SMIM8: variants seen among roughly 807,000 people sequenced by gnomAD.
SMIM8 encodes the protein small integral membrane protein 8, also known as UPF0708 protein C6orf162.
SMIM8 carries 8 observed loss-of-function variants against 8.1 expected under a neutral mutation model. That is an observed-to-expected ratio of 0.99 (90% CI 0.58 to 1.78). The LOEUF is 1.78. SMIM8 is among the 40% of genes most tolerant of loss of function. The probability of loss-of-function intolerance (pLI) is 0.00; values close to 1 mark genes in which losing one functional copy is unlikely to be tolerated. For synonymous variants in SMIM8, 45 were observed against 39.7 expected, an observed-to-expected ratio of 1.13 and a Z score of -0.50; for missense variants, 126 against 119.8, an observed-to-expected ratio of 1.05 and a Z score of -0.24.
chr6:87,330,588 A>G (rs974799774), intron 1 of SMIM8, 104 bp from the exon 2 acceptor site: 1 of 152,176 alleles, frequency 6.6e-6, no homozygotes, highest in Non-Finnish European at 1.5e-5. Context: ...TCAGGGGCTT[A>G]CTATTCTTAC....
chr6:87,323,250 A>G (rs1170279595), intron 1 of SMIM8, among the ~76,000 whole-genome samples: 1 of 146,062 alleles, frequency 6.8e-6, no homozygotes, highest in African/African-American at 2.5e-5. Context: ...AGAGGTGGAA[A>G]GATACTTTTG....
intron 2 of SMIM8, among the ~76,000 whole-genome samples, chr6:87,334,573 G>A (rs904721960): frequency 6.6e-6 from 1 of 152,020 alleles, no homozygotes; most frequent in Non-Finnish European, 1.5e-5. Context: ...CAAAATAGTG[G>A]GATTACAGGT....
intron 2 of SMIM8, among the ~76,000 whole-genome samples, chr6:87,336,458 C>G (rs1287173830): frequency 6.6e-6 from 1 of 152,138 alleles, no homozygotes; most frequent in Non-Finnish European, 1.5e-5. Context: ...AGAGTAAGTA[C>G]AAACAGCTCC....
At position 87,341,030 on chromosome 6, in the gene SMIM8, T is replaced by C; in HGVS notation, c.*756T>C. 2.8e-6 allele frequency: 1 copy of C among 352,966 alleles called. No individual in the cohort carries two copies. Among genetic ancestry groups the C allele is most frequent in the South Asian group, 1.5e-4 (1 of 6,630 alleles). The allele number at this position is 352,966 out of a possible 1,614,324, so 21.9% of individuals were successfully genotyped here. ...TTTTAGTGTTTATGTTAATTAATGT[T>C]AATTAATTTTGTTTATGTTAATTTG... On this transcript the variant is annotated 3_prime_UTR_variant, in exon 4 of 4. Transcript: ENST00000392863.
chr6:87,325,525 A>G (rs1776796708), intron 1 of SMIM8, among the ~76,000 whole-genome samples: 2 of 149,282 alleles, frequency 1.3e-5, no homozygotes, highest in Admixed American at 6.7e-5. Context: ...TGAGATAATC[A>G]TGTGGTTTTT....
rs1362559744 is a variant in SMIM8 at position 87,325,503 on chromosome 6, G to A, written c.-45+2871G>A. Among the ~76,000 whole-genome samples, 56 of 146,124 alleles carry A rather than the reference G, an allele frequency of 3.8e-4. 1 individual carries two copies. The highest frequency in any genetic ancestry group is 2.1e-4 in the Non-Finnish European group (14 of 66,782). Reference sequence around the variant, plus strand: ...GGTTATTGAATTTTGTCAAAGGCCTGTCTGCATCTATTGAGATAATCATGT... The same window carrying A: ...GGTTATTGAATTTTGTCAAAGGCCTATCTGCATCTATTGAGATAATCATGT... On this transcript the variant is annotated intron_variant, in intron 1 of 3. Coordinates refer to ENST00000392863, the MANE Select transcript of SMIM8 (RefSeq NM_001042493.3).
chr6:87,334,403 G>C (rs917497055), intron 2 of SMIM8, among the ~76,000 whole-genome samples: 4 of 152,238 alleles, frequency 2.6e-5, no homozygotes, highest in Non-Finnish European at 5.9e-5. Flanking sequence ...TTAAAAACAA[G>C]AACAAAAATT....
At chr6:87,339,665 A>G (rs1777180357) in intron 3 of SMIM8, among the ~76,000 whole-genome samples, 1 of 152,174 alleles carries the variant, frequency 6.6e-6, no homozygotes, top group Non-Finnish European at 1.5e-5. Flanking sequence ...CTTGGGCAAG[A>G]AGAATAGCAT....
chr6:87,335,601 A>G (rs957661843), intron 2 of SMIM8, among the ~76,000 whole-genome samples: 2 of 152,182 alleles, frequency 1.3e-5, no homozygotes, highest in African/African-American at 4.8e-5. Context: ...CTACTGCAAC[A>G]CAAAGTATTT....
intron 1 of SMIM8, among the ~76,000 whole-genome samples, chr6:87,328,534 G>GC: frequency 3.3e-5 from 5 of 151,862 alleles, no homozygotes; most frequent in African/African-American, 1.2e-4. Context: ...GTCTGCCCCT[G>GC]CTGGAGGCTG....
chr6:87,338,906 C>CTTTTTTTTT (rs58307492), intron 3 of SMIM8, among the ~76,000 whole-genome samples: 3 of 116,120 alleles, frequency 2.6e-5, no homozygotes, highest in Non-Finnish European at 3.5e-5. Context: ...TATTTAAAAG[C>CTTTTTTTTT]TTTTTTTTTT....
Position 87,330,722 on chromosome 6 carries a change from A to G in SMIM8, c.-24+10A>G, listed in dbSNP as rs1313916954. 2 of 152,188 alleles carry G rather than the reference A, an allele frequency of 1.3e-5. No individual in the cohort carries two copies. 9.4% of individuals were successfully genotyped at this position (152,188 alleles called of 1,614,324 possible). ...TGGACAGAAGAAAAAGGTAAAGAAC[A>G]TTTTACCAGAGAGAAACAAATGAAG... On this transcript the variant is annotated intron_variant, in intron 2 of 3. Transcript: ENST00000392863.
At chr6:87,332,194 A>T (rs1369672412) in intron 2 of SMIM8, among the ~76,000 whole-genome samples, 1 of 151,958 alleles carries the variant, frequency 6.6e-6, no homozygotes, top group Non-Finnish European at 1.5e-5. Flanking sequence ...TTTTACAGAC[A>T]TATTTCATAT....
intron 1 of SMIM8, among the ~76,000 whole-genome samples, chr6:87,324,203 A>AT (rs1776758160): frequency 6.6e-6 from 1 of 151,608 alleles, no homozygotes; most frequent in South Asian, 2.1e-4. Flanking sequence ...GGTTGTGAAA[A>AT]TTTTCTCCCA....
chr6:87,328,606 T>C (rs527819876), intron 1 of SMIM8, among the ~76,000 whole-genome samples: 24 of 152,288 alleles, frequency 1.6e-4, no homozygotes, highest in East Asian at 1.5e-3. Flanking sequence ...GCAGTCTGCC[T>C]GTTCTCAGAT....
At chr6:87,327,799 C>G (rs1283587141) in intron 1 of SMIM8, among the ~76,000 whole-genome samples, 1 of 148,120 alleles carries the variant, frequency 6.8e-6, no homozygotes, top group Non-Finnish European at 1.5e-5. Flanking sequence ...TGAATGTTGG[C>G]CTGCCTTGCT....
At chr6:87,331,659 A>G (rs1776997791) in intron 2 of SMIM8, among the ~76,000 whole-genome samples, 1 of 152,176 alleles carries the variant, frequency 6.6e-6, no homozygotes, top group African/African-American at 2.4e-5. Flanking sequence ...CTTGGCTGCT[A>G]AGACCCTTTC....
chr6:87,332,511 T>G (rs1334536172), intron 2 of SMIM8, among the ~76,000 whole-genome samples: 1 of 148,778 alleles, frequency 6.7e-6, no homozygotes. Flanking sequence ...TTGTTTAATA[T>G]ATAATTTATT....
At chr6:87,328,749 G>T (rs1776908949) in intron 1 of SMIM8, among the ~76,000 whole-genome samples, 3 of 152,320 alleles carry the variant, frequency 2.0e-5, no homozygotes. Flanking sequence ...ACAGAGGCAG[G>T]CAGGCCTCCT....
Sources: gnomAD v4.1 joint callset for allele counts (sites outside exome capture counted in the v4.1 genomes callset) on GRCh38, gnomAD v4.1.1 for gene constraint, MANE v1.5 for transcripts, NCBI Gene and HGNC (gene_info 2026-07-23, HGNC 2026-07-21) for gene names.